UBE3B: variants seen among roughly 807,000 people sequenced by gnomAD.
UBE3B encodes ubiquitin-protein ligase E3B.
In UBE3B, 80 loss-of-function variants were observed where a neutral mutation model predicts 132.3. The ratio of observed to expected loss-of-function variants is 0.60; its 90% CI spans 0.50 to 0.73. The LOEUF (loss-of-function observed/expected upper bound fraction) is 0.73. Among genes scored for constraint, UBE3B ranks in the 30% least tolerant of loss-of-function variants. UBE3B has a pLI of 0.00. For synonymous variants in UBE3B, 487 were observed against 520.4 expected, an observed-to-expected ratio of 0.94 and a Z score of 0.87; for missense variants, 1,196 against 1,362.5, an observed-to-expected ratio of 0.88 and a Z score of 1.92.
chr12:109,487,325 C>T (rs1391126303), intron 6 of UBE3B, among the ~76,000 whole-genome samples: 1 of 152,190 alleles, frequency 6.6e-6, no homozygotes, highest in Non-Finnish European at 1.5e-5. Flanking sequence ...TACACAGGAG[C>T]CACTTCCACT....
intron 8 of UBE3B, chr12:109,490,488 A>T: frequency 6.5e-7 from 1 of 1,535,912 alleles, no homozygotes; most frequent in African/African-American, 1.4e-5. Flanking sequence ...CCTTCTCCCT[A>T]GTGCTGTGAT....
intron 5 of UBE3B, 54 bp from the exon 6 acceptor site, chr12:109,486,417 A>T: frequency 7.0e-7 from 1 of 1,420,016 alleles, no homozygotes; most frequent in South Asian, 1.2e-5. Context: ...GTTAGAGCAC[A>T]AGTGATATGA....
At chr12:109,517,782 C>T (rs1005007960) in intron 19 of UBE3B, 95 of 276,338 alleles carry the variant, frequency 3.4e-4, no homozygotes, top group Non-Finnish European at 1.7e-4. Context: ...AGGACAGTCA[C>T]GGGATCCCCT....
In UBE3B at chr12:109,486,562, T is replaced by G; in HGVS notation, c.434T>G (p.Leu145Arg). The change falls in exon 6 of 28, where the codon CTC becomes CGC. Residue 145 changes from leucine to arginine, a missense_variant. Transcript: ENST00000342494. ...ATTTTGTGGTACTGCTGTGATTTTC[T>G]CAAGCAGCTCAAGGTAACAAAAAAA... is the stretch of plus-strand genomic sequence containing the variant. ...KNILWYCCDF[L>R]KQLKPEILQD... 8.5e-7 allele frequency: 1 copy of G among 1,175,196 alleles called. No individual in the cohort carries two copies. Among genetic ancestry groups the G allele is most frequent in the Non-Finnish European group, 1.2e-6 (1 of 836,428 alleles). The allele number at this position is 1,175,196 out of a possible 1,614,324, so 72.8% of individuals were successfully genotyped here. A position where few individuals can be genotyped will look rare whatever the true frequency, so the allele number is the denominator to read the frequency against.
At chr12:109,528,360 A>T (rs1319171001) in intron 24 of UBE3B, 1 of 985,226 alleles carries the variant, frequency 1.0e-6, no homozygotes, top group East Asian at 1.1e-4. Context: ...GCTTCAAAGT[A>T]TACCTGGAAG....
the UBE3B span, among the ~76,000 whole-genome samples, chr12:109,542,583 G>T: frequency 2.6e-5 from 4 of 152,150 alleles, no homozygotes; most frequent in African/African-American, 9.7e-5. Context: ...TTCAGATGAG[G>T]TCATATAGGA....
chr12:109,540,013 CT>C (rs1406367995), downstream of UBE3B, among the ~76,000 whole-genome samples: 7 of 152,074 alleles, frequency 4.6e-5, no homozygotes, highest in African/African-American at 1.7e-4. Flanking sequence ...GAGAGCCAGC[CT>C]GCTGGAGCCC....
Position 109,498,354 on chromosome 12 carries a change from G to T in UBE3B, c.940+1G>T. The T allele has an allele frequency of 6.2e-7, 1 of 1,613,118 alleles. No homozygotes were observed. Among genetic ancestry groups the T allele is most frequent in the Non-Finnish European group, 8.5e-7 (1 of 1,179,286 alleles). On this transcript the variant is annotated splice_donor_variant, in intron 11 of 27. Transcript: ENST00000342494. LOFTEE classifies it high-confidence loss of function. The stretch of plus-strand genomic sequence containing the variant: ...GGATGCCATACGCTTTGTCTAATGG[G>T]TAAGTATCCGTGGCTGGAACTTGAT...
chr12:109,483,666 C>G lies in UBE3B; in HGVS notation c.115C>G (p.His39Asp), dbSNP rs764278999. 2 of 1,612,546 alleles carry G rather than the reference C, an allele frequency of 1.2e-6. No homozygotes were observed. Among genetic ancestry groups the G allele is most frequent in the Non-Finnish European group, 1.7e-6 (2 of 1,179,490 alleles). The change falls in exon 3 of 28, where the codon CAT becomes GAT. Residue 39 changes from histidine (H) to aspartate (D), a missense_variant. Coordinates refer to ENST00000342494, the MANE Select transcript of UBE3B (RefSeq NM_130466.4). ...GCGGGCAGCTGTTGTGATCCAGGCC[C>G]ATGTCCGGAGTTTTCTCTGTCGGAG... ...RERAAVVIQA[H>D]VRSFLCRSRL...
chr12:109,506,552 T>C (rs2135961514), intron 14 of UBE3B, among the ~76,000 whole-genome samples: 1 of 152,336 alleles, frequency 6.6e-6, no homozygotes, highest in African/African-American at 2.4e-5. Context: ...TTTCTCATCA[T>C]GTTGGCCAGG....
At chr12:109,511,775 G>A (rs1388667070) in intron 18 of UBE3B, among the ~76,000 whole-genome samples, 1 of 152,152 alleles carries the variant, frequency 6.6e-6, no homozygotes, top group Non-Finnish European at 1.5e-5. Flanking sequence ...CCACCGGAGG[G>A]CTGGAAGCTT....
intron 14 of UBE3B, 65 bp from the exon 15 acceptor site, chr12:109,507,499 T>A: frequency 6.5e-7 from 1 of 1,532,004 alleles, no homozygotes; most frequent in Non-Finnish European, 8.8e-7. Flanking sequence ...CCCCACTGGA[T>A]AGGAGAAATA....
chr12:109,530,726 T>C lies in UBE3B; in HGVS notation c.2922+68T>C, dbSNP rs990315676. 4.1e-6 allele frequency: 6 copies of C among 1,457,070 alleles called. No individual in the cohort carries two copies. In the Admixed American group the frequency reaches 5.2e-5, roughly 13 times the overall value. 90.3% of individuals were successfully genotyped at this position (1,457,070 alleles called of 1,614,324 possible). On this transcript the variant is annotated intron_variant, in intron 26 of 27. Transcript: ENST00000342494. Reference sequence around the variant, plus strand: ...AAACCTGGAAGGCCAGTTGATGTAATAATTTACGCTGAAGAAACTGAAATT... The same window carrying C: ...AAACCTGGAAGGCCAGTTGATGTAACAATTTACGCTGAAGAAACTGAAATT...
intron 9 of UBE3B, chr12:109,491,346 A>T (rs1360750920): frequency 2.5e-6 from 1 of 403,520 alleles, no homozygotes; most frequent in Non-Finnish European, 4.4e-6. Context: ...CCTGAATATT[A>T]TTGCAGTGTG....
chr12:109,511,544 G>T (rs374427871), intron 18 of UBE3B, among the ~76,000 whole-genome samples: 1 of 152,334 alleles, frequency 6.6e-6, no homozygotes, highest in East Asian at 1.9e-4. Context: ...GACCTGACCA[G>T]CTGGAGGGAG....
chr12:109,485,921 C>A, intron 4 of UBE3B, 91 bp from the exon 5 acceptor site: 3 of 1,391,176 alleles, frequency 2.2e-6, no homozygotes, highest in African/African-American at 1.4e-5. Context: ...AATACCTGCA[C>A]GTGCCAGGTA....
At chr12:109,480,714 A>C (rs1875237070) in intron 1 of UBE3B, among the ~76,000 whole-genome samples, 1 of 151,844 alleles carries the variant, frequency 6.6e-6, no homozygotes, top group Admixed American at 6.6e-5. Flanking sequence ...GACTGGCTCC[A>C]ACTCTGTGTG....
chr12:109,508,861 G>A, intron 15 of UBE3B: 2 of 576,346 alleles, frequency 3.5e-6, no homozygotes, highest in Non-Finnish European at 4.4e-6. Flanking sequence ...CTAAGTACCT[G>A]CTAAGTGTCA....
At chr12:109,537,638 A>G (rs901916183), downstream of UBE3B, among the ~76,000 whole-genome samples, 7 of 152,292 alleles carry the variant, frequency 4.6e-5, no homozygotes, top group African/African-American at 1.2e-4. Context: ...CAAAACACAC[A>G]TCGCCAGCCT....
Sources: allele counts gnomAD v4.1 joint callset (sites outside exome capture counted in the v4.1 genomes callset), GRCh38; gene constraint gnomAD v4.1.1; transcripts MANE v1.5; gene names NCBI Gene and HGNC (gene_info 2026-07-23, HGNC 2026-07-21).